The following MAML3 variants were observed in gnomAD, a reference collection of about 807,000 sequenced individuals.
MAML3 encodes mastermind-like protein 3.
MAML3 carries 27 observed loss-of-function variants against 101.9 expected under a neutral mutation model. That is an observed-to-expected ratio of 0.27 (90% CI 0.20 to 0.37). MAML3 has a LOEUF of 0.37. Among genes scored for constraint, MAML3 ranks in the 10% least tolerant of loss-of-function variants. The pLI is 1.00. For missense variants in MAML3, 1,316 were observed against 1,444.9 expected, an observed-to-expected ratio of 0.91 and a Z score of 1.45; for synonymous variants, 501 against 555.9, an observed-to-expected ratio of 0.90 and a Z score of 1.39.
chr4:140,035,445 T>C (rs1026605726), intron 1 of MAML3, among the ~76,000 whole-genome samples: 3 of 152,172 alleles, frequency 2.0e-5, no homozygotes, highest in Non-Finnish European at 4.4e-5. Flanking sequence ...AACATATAGC[T>C]TTTAAATTAC....
intron 2 of MAML3, among the ~76,000 whole-genome samples, chr4:139,859,577 G>T (rs1263292453): frequency 6.6e-6 from 1 of 152,104 alleles, no homozygotes; most frequent in Non-Finnish European, 1.5e-5. Flanking sequence ...TTGTGATAAA[G>T]AACACTGAAA....
intron 1 of MAML3, among the ~76,000 whole-genome samples, chr4:140,005,210 C>A (rs571761001): frequency 4.7e-4 from 71 of 152,236 alleles, no homozygotes; most frequent in Admixed American, 3.5e-3. Flanking sequence ...CTCCTCTTTC[C>A]CAGAAACTAT....
At position 139,781,508 on chromosome 4, in the gene MAML3, C is replaced by CATATAT. The variant is rs10568513; in HGVS notation, c.2080-50847_2080-50842dup. On this transcript the variant is annotated intron_variant, in intron 2 of 4. Transcript: ENST00000509479. ...TCTTCTAATGATCGCAGAGCATTTT[C>CATATAT]ATATATATATATATATATATATAGT... is the stretch of plus-strand genomic sequence containing the variant. Among the ~76,000 whole-genome samples the CATATAT allele has an allele frequency of 8.7e-4, 119 of 137,078 alleles. 6 individuals carry two copies. Among genetic ancestry groups the CATATAT allele is most frequent in the Admixed American group, 2.3e-3 (29 of 12,648 alleles). 89.9% of individuals were successfully genotyped at this position (137,078 alleles called of 152,430 possible). A position where few individuals can be genotyped will look rare whatever the true frequency, so the allele number is the denominator to read the frequency against.
intron 1 of MAML3, among the ~76,000 whole-genome samples, chr4:140,062,463 G>A (rs1317908068): frequency 1.3e-5 from 2 of 152,194 alleles, no homozygotes; most frequent in Admixed American, 6.5e-5. Flanking sequence ...AAGCCCACAA[G>A]ATGACTGTGA....
intron 1 of MAML3, among the ~76,000 whole-genome samples, chr4:139,914,484 ATATTGT>A (rs1379428168): frequency 1.3e-5 from 2 of 152,044 alleles, no homozygotes. Flanking sequence ...ACAAAGCGCC[ATATTGT>A]GGGGAGGAAA....
chr4:140,130,045 C>A (rs975076707), intron 1 of MAML3, among the ~76,000 whole-genome samples: 1 of 151,484 alleles, frequency 6.6e-6, no homozygotes, highest in African/African-American at 2.4e-5. Flanking sequence ...GGAAAACGCA[C>A]CAATAATAAA....
chr4:139,863,934 C>T (rs1731842802), intron 2 of MAML3, among the ~76,000 whole-genome samples: 1 of 144,816 alleles, frequency 6.9e-6, no homozygotes. Context: ...ACTGCAAGAG[C>T]AGACAAGTTT....
chr4:139,977,159 C>A (rs1323860583), intron 1 of MAML3, among the ~76,000 whole-genome samples: 1 of 152,172 alleles, frequency 6.6e-6, no homozygotes, highest in Non-Finnish European at 1.5e-5. Flanking sequence ...TCACCAGACA[C>A]TGAATCTTGA....
At chr4:139,880,689 T>C (rs1732200903) in intron 2 of MAML3, among the ~76,000 whole-genome samples, 1 of 152,320 alleles carries the variant, frequency 6.6e-6, no homozygotes, top group Middle Eastern at 3.4e-3. Flanking sequence ...ACTTTTGGTT[T>C]TGTGAAACCC....
At chr4:139,975,223 C>A (rs1734306525) in intron 1 of MAML3, among the ~76,000 whole-genome samples, 1 of 152,144 alleles carries the variant, frequency 6.6e-6, no homozygotes, top group Non-Finnish European at 1.5e-5. Context: ...TCTCCCACAC[C>A]AGCCTCCTCA....
At chr4:139,829,431 G>C (rs1201047535) in intron 2 of MAML3, among the ~76,000 whole-genome samples, 1 of 152,164 alleles carries the variant, frequency 6.6e-6, no homozygotes, top group Non-Finnish European at 1.5e-5. Context: ...TGTGTTTGAG[G>C]AACTGGCGTG....
chr4:140,119,605 C>CCCCCCCTTCCTT (rs1560899532), intron 1 of MAML3, among the ~76,000 whole-genome samples: 6 of 108,528 alleles, frequency 5.5e-5, no homozygotes, highest in South Asian at 3.2e-4. Flanking sequence ...CTCCCTCCCT[C>CCCCCCCTTCCTT]CCTCCCTTCC....
At chr4:140,126,866 C>G (rs116017314) in intron 1 of MAML3, among the ~76,000 whole-genome samples, 3 of 152,268 alleles carry the variant, frequency 2.0e-5, no homozygotes, top group South Asian at 2.1e-4. Flanking sequence ...TTCTCTCAGT[C>G]CCCCCTGTCT....
At chr4:139,975,904 A>G (rs1403682579) in intron 1 of MAML3, among the ~76,000 whole-genome samples, 1 of 152,220 alleles carries the variant, frequency 6.6e-6, no homozygotes, top group African/African-American at 2.4e-5. Flanking sequence ...ATTAAAGGAA[A>G]TATATTCACC....
intron 3 of MAML3, among the ~76,000 whole-genome samples, chr4:139,729,272 C>A (rs1355915626): frequency 1.3e-5 from 2 of 151,518 alleles, no homozygotes; most frequent in East Asian, 1.9e-4. Context: ...TTAATAGGGA[C>A]CTCCATGGGC....
At chr4:139,862,247 T>A (rs1449205860) in intron 2 of MAML3, among the ~76,000 whole-genome samples, 1 of 152,148 alleles carries the variant, frequency 6.6e-6, no homozygotes, top group Admixed American at 6.5e-5. Context: ...CTGATGCCTA[T>A]GTCCCAGCCC....
chr4:139,748,576 A>C (rs77340511), intron 2 of MAML3, among the ~76,000 whole-genome samples: 10 of 152,186 alleles, frequency 6.6e-5, no homozygotes, highest in African/African-American at 2.2e-4. Context: ...GAGGCCAAGA[A>C]CAGACCCTGG....
At chr4:140,020,810 C>T (rs1256492974) in intron 1 of MAML3, among the ~76,000 whole-genome samples, 1 of 152,130 alleles carries the variant, frequency 6.6e-6, no homozygotes, top group Non-Finnish European at 1.5e-5. Flanking sequence ...AGATCAAATA[C>T]AAATTAAAAA....
At chr4:139,874,655 T>G (rs1484897428) in intron 2 of MAML3, among the ~76,000 whole-genome samples, 1 of 152,190 alleles carries the variant, frequency 6.6e-6, no homozygotes, top group East Asian at 1.9e-4. Flanking sequence ...CCTAGAGGAT[T>G]AAAAAAGTAC....
Sources: gnomAD v4.1 joint callset for allele counts (sites outside exome capture counted in the v4.1 genomes callset) on GRCh38, gnomAD v4.1.1 for gene constraint, MANE v1.5 for transcripts, NCBI Gene and HGNC (gene_info 2026-07-23, HGNC 2026-07-21) for gene names.